The following LRRFIP1 variants were observed in gnomAD, a reference collection of about 807,000 sequenced individuals.
LRRFIP1 encodes the protein leucine-rich repeat flightless-interacting protein 1.
Under a neutral mutation model 104.4 loss-of-function variants are expected in LRRFIP1, and 62 were observed. The observed-to-expected ratio is 0.59, with a 90% CI of 0.48 to 0.73. LRRFIP1 has a LOEUF of 0.73. Among genes scored for constraint, LRRFIP1 ranks in the 30% least tolerant of loss-of-function variants. LRRFIP1 has a pLI of 0.00. For missense variants in LRRFIP1, 796 were observed against 824.5 expected, an observed-to-expected ratio of 0.97 and a Z score of 0.42; for synonymous variants, 300 against 299.0, an observed-to-expected ratio of 1.00 and a Z score of -0.03.
At chr2:237,753,180 T>C (rs2058840696) in intron 14 of LRRFIP1, 129 bp from the exon 15 acceptor site, 2 of 621,758 alleles carry the variant, frequency 3.2e-6, no homozygotes, top group Non-Finnish European at 5.2e-6. Context: ...TGTTTCTTCT[T>C]CTGATCCATT....
chr2:237,729,901 C>A, intron 8 of LRRFIP1: 1 of 807,970 alleles, frequency 1.2e-6, no homozygotes, highest in Non-Finnish European at 1.5e-6. Context: ...TTGTAGCATG[C>A]AATCTTGTGT....
chr2:237,720,223 A>G lies in LRRFIP1; in HGVS notation c.295-549A>G, dbSNP rs538578521. On this transcript the variant is annotated intron_variant, in intron 5 of 23. Transcript: ENST00000308482. ...CGGCCTCCCAAAGTGCTGGGATTAC[A>G]GGCATGAGCCACCGTGCCTGGCCCT... 2.2e-4 allele frequency among the ~76,000 whole-genome samples: 34 copies of G among 151,992 alleles called. No homozygotes were observed. In the South Asian group the frequency reaches 6.7e-3, roughly 30 times the overall value.
intron 10 of LRRFIP1, among the ~76,000 whole-genome samples, chr2:237,736,918 G>T (rs183308320): frequency 2.3e-4 from 35 of 152,292 alleles, no homozygotes; most frequent in Admixed American, 5.9e-4. Flanking sequence ...TTTACAGGAG[G>T]GCCTTGGGAG....
At chr2:237,733,853 C>T (rs775432974) in intron 9 of LRRFIP1, 35 bp downstream of exon 9, 27 of 1,612,068 alleles carry the variant, frequency 1.7e-5, no homozygotes, top group South Asian at 2.2e-5. Context: ...CCCCGCACCC[C>T]CTCCCACTGT....
In LRRFIP1 at chr2:237,760,132, T is replaced by G; in HGVS notation, c.1386T>G (p.Val462=). 6.2e-7 allele frequency: 1 copy of G among 1,613,926 alleles called. No homozygotes were observed. Among genetic ancestry groups the G allele is most frequent in the Non-Finnish European group, 8.5e-7 (1 of 1,179,802 alleles). The change falls in exon 19 of 24, where the codon GTT becomes GTG. Residue 462 remains valine, a synonymous_variant. Transcript: ENST00000308482. ...NGETSDTLNN[V]GYQGPTKMTK... is the part of the protein sequence containing the mutation. ...AGACTTCCGACACCCTCAATAATGT[T>G]GGATACCAAGGTCCTACCAAGATGA...
intron 6 of LRRFIP1, 94 bp downstream of exon 6, chr2:237,720,916 C>A (rs1380340447): frequency 9.9e-6 from 11 of 1,114,918 alleles, no homozygotes; most frequent in Non-Finnish European, 6.9e-6. Flanking sequence ...TCTTCATTAT[C>A]CCCGTGGTCT....
rs1258613342 is a variant in LRRFIP1, at chr2:237,691,493, A to AG, written c.97-17045dup. Among the ~76,000 whole-genome samples, 2 of 151,882 alleles carry AG rather than the reference A, an allele frequency of 1.3e-5. No individual in the cohort carries two copies. The highest frequency in any genetic ancestry group is 4.8e-5 in the African/African-American group (2 of 41,304). On this transcript the variant is annotated intron_variant, in intron 1 of 23. Transcript: ENST00000308482. The surrounding 1 kb of genome is among the most constrained non-coding windows in gnomAD (Gnocchi z 5.4). ...CCCTGCGGGCCGCCGCACCGGGCCA[A>AG]GGGGGGCTGTGTGCACGCAGCTGCG...
At chr2:237,698,993 A>C (rs779063425) in intron 1 of LRRFIP1, among the ~76,000 whole-genome samples, 2 of 152,276 alleles carry the variant, frequency 1.3e-5, no homozygotes, top group African/African-American at 2.4e-5. Context: ...TAACATAATA[A>C]GAATTTTGAT....
intron 11 of LRRFIP1, among the ~76,000 whole-genome samples, chr2:237,743,154 G>A (rs976288446): frequency 6.7e-4 from 102 of 152,288 alleles, no homozygotes; most frequent in African/African-American, 1.9e-3. Flanking sequence ...TCAGGGACAC[G>A]TATCCAGGGC....
intron 19 of LRRFIP1, chr2:237,769,667 TCTTG>T (rs2060458595): frequency 2.4e-6 from 1 of 410,928 alleles, no homozygotes; most frequent in Non-Finnish European, 4.5e-6. Context: ...GCCCTAGCGT[TCTTG>T]CATGCTAACC....
At chr2:237,678,584 CA>C (rs958349355) in intron 1 of LRRFIP1, among the ~76,000 whole-genome samples, 2 of 152,108 alleles carry the variant, frequency 1.3e-5, no homozygotes, top group Non-Finnish European at 2.9e-5. Context: ...CAGCTCACTG[CA>C]ACTTCTGCTT....
intron 1 of LRRFIP1, among the ~76,000 whole-genome samples, chr2:237,639,033 G>A (rs755109623): frequency 3.9e-5 from 6 of 152,218 alleles, no homozygotes; most frequent in Non-Finnish European, 5.9e-5. Context: ...GAATGCTATC[G>A]TGTGGGGCAG....
Position 237,627,690 on chromosome 2 carries a change from C to A in LRRFIP1, c.46C>A (p.Arg16=). ...QGSGRKRLPN[R]ERLTAEDDAL... is the part of the protein sequence containing the mutation. The stretch of plus-strand genomic sequence containing the variant: ...ATCGGGGCGCAAGCGGCTCCCCAAC[C>A]GGGAGCGGCTCACGGCGGAGGACGA... The change falls in exon 1 of 24, where the codon CGG becomes AGG. Residue 16 remains arginine (R), a synonymous_variant. Coordinates refer to ENST00000308482, the MANE Select transcript of LRRFIP1 (RefSeq NM_001137550.2). 1 of 1,371,868 alleles carries A rather than the reference C, an allele frequency of 7.3e-7. No individual in the cohort carries two copies. The highest frequency in any genetic ancestry group is 1.5e-5 in the South Asian group (1 of 66,084). 85.0% of individuals were successfully genotyped at this position (1,371,868 alleles called of 1,614,324 possible).
intron 7 of LRRFIP1, among the ~76,000 whole-genome samples, chr2:237,727,335 G>A (rs141898627): frequency 1.3e-4 from 19 of 145,428 alleles, no homozygotes; most frequent in East Asian, 2.0e-4. Flanking sequence ...TAGCCTGGGC[G>A]ACAGAGCGAG....
At chr2:237,668,215 G>C (rs2089790923) in intron 1 of LRRFIP1, among the ~76,000 whole-genome samples, 2 of 152,028 alleles carry the variant, frequency 1.3e-5, no homozygotes, top group Non-Finnish European at 2.9e-5. Context: ...GACCTCGGCA[G>C]CCTCCCAGTC....
intron 1 of LRRFIP1, among the ~76,000 whole-genome samples, chr2:237,707,538 A>G (rs182397489): frequency 6.6e-6 from 1 of 152,262 alleles, no homozygotes; most frequent in East Asian, 1.9e-4. Context: ...CCATTGTTGG[A>G]AGGATTACAG....
intron 1 of LRRFIP1, among the ~76,000 whole-genome samples, chr2:237,671,825 C>T (rs574597513): frequency 8.7e-5 from 13 of 148,876 alleles, no homozygotes; most frequent in Admixed American, 4.0e-4. Flanking sequence ...TGTGTGTGCA[C>T]ATGTGTGTGT....
At position 237,780,006 on chromosome 2, in the gene LRRFIP1, T is replaced by C. The variant is rs1409350291; in HGVS notation, c.*474T>C. On this transcript the variant is annotated 3_prime_UTR_variant, in exon 24 of 24. Coordinates refer to ENST00000308482, the MANE Select transcript of LRRFIP1 (RefSeq NM_001137550.2). ...AGTATCTCTTAGTCTACGCTTTTCA[T>C]ACACAAAACACTGTGGAACCACAAG... The C allele has an allele frequency of 6.5e-6, 1 of 152,732 alleles. No homozygotes were observed. The highest frequency in any genetic ancestry group is 1.5e-5 in the Non-Finnish European group (1 of 68,478). 9.5% of individuals were successfully genotyped at this position (152,732 alleles called of 1,614,324 possible). A position where few individuals can be genotyped will look rare whatever the true frequency, so the allele number is the denominator to read the frequency against.
At position 237,757,542 on chromosome 2, in the gene LRRFIP1, G is replaced by C; in HGVS notation, c.1218G>C (p.Lys406Asn). 6.4e-7 allele frequency: 1 copy of C among 1,573,030 alleles called. No homozygotes were observed. The highest frequency in any genetic ancestry group is 1.2e-5 in the South Asian group (1 of 85,394). The change falls in exon 17 of 24, where the codon AAG (lysine) becomes AAC (asparagine). Residue 406 changes from lysine to asparagine, a missense_variant. Lys to Asn is a moderately conservative substitution (Grantham distance 94, BLOSUM62 0). Coordinates refer to ENST00000308482, the MANE Select transcript of LRRFIP1 (RefSeq NM_001137550.2). ...LQETIEWKDK[K>N]IGALERQKEF... The stretch of plus-strand genomic sequence containing the variant: ...AAACAATAGAGTGGAAAGACAAAAA[G>C]ATAGGGGTAGGATTCCCAAGTCTTG...
Sources: gnomAD v4.1 joint callset for allele counts (sites outside exome capture counted in the v4.1 genomes callset) on GRCh38, gnomAD v4.1.1 for gene constraint, Gnocchi (gnomAD v3.1) non-coding constraint, MANE v1.5 for transcripts, NCBI Gene and HGNC (gene_info 2026-07-23, HGNC 2026-07-21) for gene names.